Variants in EYS observed in about 807,000 individuals in gnomAD.
EYS encodes protein eyes shut homolog.
A neutral mutation model predicts 282.1 loss-of-function variants in EYS; 250 were observed. That is an observed-to-expected ratio of 0.89 (90% CI 0.80 to 0.98). EYS has a LOEUF of 0.98. EYS is among the 50% of genes least tolerant of loss of function. The pLI is 0.00. For synonymous variants in EYS, 1,355 were observed against 1,282.9 expected, an observed-to-expected ratio of 1.06 and a Z score of -1.20; for missense variants, 4,016 against 3,709.0, an observed-to-expected ratio of 1.08 and a Z score of -2.15.
chr6:64,839,659 T>C (rs1273873965), intron 19 of EYS, among the ~76,000 whole-genome samples: 1 of 152,080 alleles, frequency 6.6e-6, no homozygotes, highest in Non-Finnish European at 1.5e-5. Flanking sequence ...AAAGTAAATT[T>C]ATTTATCCCA....
chr6:63,850,662 G>A (rs1217473616), intron 36 of EYS, among the ~76,000 whole-genome samples: 1 of 152,088 alleles, frequency 6.6e-6, no homozygotes, highest in Non-Finnish European at 1.5e-5. Context: ...CCTTACAAGA[G>A]CTCCTAAAGG....
chr6:64,950,941 G>A (rs1285451600), intron 14 of EYS, among the ~76,000 whole-genome samples: 1 of 150,484 alleles, frequency 6.6e-6, no homozygotes, highest in Non-Finnish European at 1.5e-5. Context: ...TTCAAACCAG[G>A]ACATCTGCCC....
intron 29 of EYS, among the ~76,000 whole-genome samples, chr6:64,371,527 G>A (rs924222796): frequency 2.6e-5 from 4 of 151,888 alleles, no homozygotes; most frequent in African/African-American, 9.7e-5. Flanking sequence ...TGTTTATTAG[G>A]TCTATTTGGT....
chr6:64,407,468 G>T lies in EYS; in HGVS notation c.5928-18628C>A, dbSNP rs1359385034. ...ATAATTTAAAAAAGGAATAAAAAGGGTTCATCAATTAATATGGAAGATAAC... is the reference window on the plus strand; with the variant it reads ...ATAATTTAAAAAAGGAATAAAAAGGTTTCATCAATTAATATGGAAGATAAC... On this transcript the variant is annotated intron_variant, in intron 28 of 42. Transcript: ENST00000503581. Among the ~76,000 whole-genome samples, 4 of 151,876 alleles carry T rather than the reference G, an allele frequency of 2.6e-5. 1 individual carries two copies. The highest frequency in any genetic ancestry group is 4.1e-4 in the South Asian group (2 of 4,832).
chr6:64,953,933 A>T (rs1403436900), intron 14 of EYS, among the ~76,000 whole-genome samples: 1 of 151,972 alleles, frequency 6.6e-6, no homozygotes, highest in Admixed American at 6.6e-5. Context: ...GGATTTTGAA[A>T]ACATTTTCTA....
chr6:64,238,542 C>G (rs2150341886), intron 30 of EYS, among the ~76,000 whole-genome samples: 1 of 152,200 alleles, frequency 6.6e-6, no homozygotes, highest in East Asian at 1.9e-4. Flanking sequence ...TCATCTCCCT[C>G]CCACTCTCCC....
intron 24 of EYS, among the ~76,000 whole-genome samples, chr6:64,596,725 C>A (rs2149835520): frequency 6.6e-6 from 1 of 152,142 alleles, no homozygotes; most frequent in East Asian, 1.9e-4. Context: ...TGATTACAGA[C>A]TTAAGCATAA....
At chr6:64,188,868 C>G (rs1257382078) in intron 31 of EYS, among the ~76,000 whole-genome samples, 1 of 152,152 alleles carries the variant, frequency 6.6e-6, no homozygotes, top group Admixed American at 6.5e-5. Context: ...GAAAGTGTTA[C>G]ATTCCACCTC....
intron 22 of EYS, among the ~76,000 whole-genome samples, chr6:64,702,974 T>A (rs1417423645): frequency 1.3e-5 from 2 of 151,660 alleles, no homozygotes; most frequent in African/African-American, 2.4e-5. Context: ...GTATTACCTG[T>A]TAATGTGACA....
chr6:65,405,437 T>A, intron 5 of EYS, 70 bp from the exon 6 acceptor site: 1 of 1,166,150 alleles, frequency 8.6e-7, no homozygotes, highest in Non-Finnish European at 1.3e-6. Flanking sequence ...CATAGATATG[T>A]AGCAAAACAT....
intron 12 of EYS, among the ~76,000 whole-genome samples, chr6:65,204,405 T>TAAA (rs112984476): frequency 3.0e-5 from 4 of 135,136 alleles, no homozygotes; most frequent in Non-Finnish European, 4.9e-5. Context: ...TTAGCCTCCT[T>TAAA]AAAAAAAAAA....
At chr6:63,864,134 C>T in intron 36 of EYS, 52 bp downstream of exon 36, 23 of 1,393,214 alleles carry the variant, frequency 1.7e-5, no homozygotes, top group Non-Finnish European at 2.2e-5. Context: ...GATTTCTATC[C>T]TCTTCACCTC....
chr6:65,451,214 C>T (rs988687517), intron 5 of EYS, among the ~76,000 whole-genome samples: 1 of 151,730 alleles, frequency 6.6e-6, no homozygotes, highest in Non-Finnish European at 1.5e-5. Context: ...TAAGTTGGAG[C>T]CTTTAATTGT....
At chr6:64,754,092 T>C (rs1772852245) in intron 22 of EYS, among the ~76,000 whole-genome samples, 1 of 152,126 alleles carries the variant, frequency 6.6e-6, no homozygotes, top group Admixed American at 6.6e-5. Context: ...GCTTCTGGGA[T>C]ACAGCAAAAA....
At chr6:64,358,553 C>G (rs1453560573) in intron 29 of EYS, among the ~76,000 whole-genome samples, 4 of 151,550 alleles carry the variant, frequency 2.6e-5, no homozygotes, top group Admixed American at 1.3e-4. Context: ...AAACCTTTCC[C>G]ATCATTTCTA....
intron 28 of EYS, among the ~76,000 whole-genome samples, chr6:64,415,730 GA>G (rs1774040469): frequency 6.6e-6 from 1 of 152,116 alleles, no homozygotes; most frequent in Non-Finnish European, 1.5e-5. Context: ...AATTGCTAGT[GA>G]TTTTGCAGTG....
chr6:64,803,937 G>T (rs1299882679), intron 22 of EYS, among the ~76,000 whole-genome samples: 2 of 152,242 alleles, frequency 1.3e-5, no homozygotes, highest in African/African-American at 4.8e-5. Context: ...GGATGCCTGG[G>T]TTCACAGCCA....
At chr6:65,187,553 C>A (rs1189145393) in intron 12 of EYS, among the ~76,000 whole-genome samples, 1 of 151,594 alleles carries the variant, frequency 6.6e-6, no homozygotes, top group Non-Finnish European at 1.5e-5. Flanking sequence ...GTTTTCACTT[C>A]TATTTGAGAA....
At chr6:64,983,361 A>G (rs1388853258) in intron 14 of EYS, among the ~76,000 whole-genome samples, 7 of 151,304 alleles carry the variant, frequency 4.6e-5, no homozygotes, top group Non-Finnish European at 1.0e-4. Context: ...TAATCTACTC[A>G]TATTTCAGGG....
Sources: gnomAD v4.1 joint callset for allele counts (sites outside exome capture counted in the v4.1 genomes callset) on GRCh38, gnomAD v4.1.1 for gene constraint, MANE v1.5 for transcripts, NCBI Gene and HGNC (gene_info 2026-07-23, HGNC 2026-07-21) for gene names.